LRFN2: variants seen among roughly 807,000 people sequenced by gnomAD.
LRFN2 encodes leucine-rich repeat and fibronectin type-III domain-containing protein 2.
Under a neutral mutation model 37.3 loss-of-function variants are expected in LRFN2, and 18 were observed. That is an observed-to-expected ratio of 0.48 (90% confidence interval 0.33 to 0.72). LRFN2 has a LOEUF of 0.72. LRFN2 is among the 30% of genes least tolerant of loss of function. The pLI is 0.02. For missense variants in LRFN2, 1,006 were observed against 1,060.7 expected, an observed-to-expected ratio of 0.95 and a Z score of 0.72; for synonymous variants, 556 against 466.6, an observed-to-expected ratio of 1.19 and a Z score of -2.47.
At chr6:40,488,222 C>T (rs898932850) in intron 1 of LRFN2, among the ~76,000 whole-genome samples, 1 of 152,124 alleles carries the variant, frequency 6.6e-6, no homozygotes, top group South Asian at 2.1e-4. Flanking sequence ...GGAATTTACA[C>T]CAGGGAATGG....
chr6:40,413,214 G>A (rs1322804081), intron 2 of LRFN2, among the ~76,000 whole-genome samples: 1 of 152,212 alleles, frequency 6.6e-6, no homozygotes, highest in African/African-American at 2.4e-5. Flanking sequence ...CAGCTCTGAT[G>A]AGATAAATAT....
chr6:40,471,827 A>T (rs1310345715), intron 1 of LRFN2, among the ~76,000 whole-genome samples: 1 of 152,154 alleles, frequency 6.6e-6, no homozygotes, highest in Non-Finnish European at 1.5e-5. Context: ...ACAACCAGAT[A>T]TATAGTTCCC....
At chr6:40,422,828 T>C (rs930470260) in intron 2 of LRFN2, among the ~76,000 whole-genome samples, 8 of 152,336 alleles carry the variant, frequency 5.3e-5, no homozygotes, top group Middle Eastern at 3.4e-3. Flanking sequence ...TTAATTGGAC[T>C]GGTTCTCTTG....
intron 1 of LRFN2, among the ~76,000 whole-genome samples, chr6:40,492,834 A>T (rs963675045): frequency 6.6e-6 from 1 of 152,094 alleles, no homozygotes; most frequent in Non-Finnish European, 1.5e-5. Flanking sequence ...GGTCACAGGA[A>T]CACCCCTCCC....
At position 40,515,840 on chromosome 6, in the gene LRFN2, C is replaced by T. The variant is rs540392174; in HGVS notation, c.-19+71101G>A. ...CCAGGGAGGAGGAGGTTGCAGTGAG[C>T]CGAGATCGTGCCACTGCACTCCAGC... On this transcript the variant is annotated intron_variant, in intron 1 of 2. Coordinates refer to ENST00000338305, the MANE Select transcript of LRFN2 (RefSeq NM_020737.3). Among the ~76,000 whole-genome samples, 12 of 148,498 alleles carry T rather than the reference C, an allele frequency of 8.1e-5. No homozygotes were observed. The South Asian group carries it at 2.6e-3, about 32-fold the overall frequency.
At position 40,580,491 on chromosome 6, in the gene LRFN2, C is replaced by T. The variant is rs145087532; in HGVS notation, c.-19+6450G>A. ...TTGTTCTACAGAGCAGAAATTGCTA[C>T]GGCAGCTCCGAAGTGATAGGTGAAT... On this transcript the variant is annotated intron_variant, in intron 1 of 2. Transcript: ENST00000338305. 2.6e-3 allele frequency among the ~76,000 whole-genome samples: 397 copies of T among 152,294 alleles called. 2 individuals carry two copies. The highest frequency in any genetic ancestry group is 9.0e-3 in the African/African-American group (373 of 41,554).
chr6:40,472,657 A>C (rs898505433), intron 1 of LRFN2, among the ~76,000 whole-genome samples: 5 of 152,104 alleles, frequency 3.3e-5, no homozygotes, highest in Admixed American at 6.5e-5. Flanking sequence ...CAGAAGCTGC[A>C]TCCTATGCTT....
chr6:40,570,424 C>T (rs1057320058), intron 1 of LRFN2, among the ~76,000 whole-genome samples: 2 of 152,180 alleles, frequency 1.3e-5, no homozygotes, highest in Non-Finnish European at 2.9e-5. Context: ...AACTGGGACA[C>T]AGAGAGATAA....
chr6:40,431,612 G>T, intron 2 of LRFN2, 102 bp downstream of exon 2: 1 of 1,008,246 alleles, frequency 9.9e-7, no homozygotes, highest in Non-Finnish European at 1.4e-6. Context: ...AGACACCTTT[G>T]GGGAAGAGGG....
chr6:40,541,704 G>A (rs1174900035), intron 1 of LRFN2, among the ~76,000 whole-genome samples: 1 of 152,190 alleles, frequency 6.6e-6, no homozygotes, highest in East Asian at 1.9e-4. Flanking sequence ...GACCACAGGT[G>A]TAGGTAACAG....
At chr6:40,490,667 G>A (rs1765070811) in intron 1 of LRFN2, among the ~76,000 whole-genome samples, 1 of 152,234 alleles carries the variant, frequency 6.6e-6, no homozygotes, top group Non-Finnish European at 1.5e-5. Context: ...CTTAGCAGCT[G>A]CCCCTCACAG....
chr6:40,477,968 T>C (rs2113861493), intron 1 of LRFN2, among the ~76,000 whole-genome samples: 1 of 152,336 alleles, frequency 6.6e-6, no homozygotes, highest in East Asian at 1.9e-4. Flanking sequence ...ACCGTGAATA[T>C]GGTAAACCTG....
intron 1 of LRFN2, among the ~76,000 whole-genome samples, chr6:40,449,381 T>C (rs1183128684): frequency 3.9e-5 from 6 of 152,254 alleles, no homozygotes; most frequent in African/African-American, 1.4e-4. Flanking sequence ...ATAAAGACTG[T>C]ATTTCCCAGC....
chr6:40,462,372 G>T (rs1295351897), intron 1 of LRFN2, among the ~76,000 whole-genome samples: 7 of 152,088 alleles, frequency 4.6e-5, no homozygotes, highest in Non-Finnish European at 1.0e-4. Context: ...TACCCTCTTG[G>T]CTTTGGCTGA....
At chr6:40,468,474 A>G (rs1214895551) in intron 1 of LRFN2, among the ~76,000 whole-genome samples, 1 of 152,148 alleles carries the variant, frequency 6.6e-6, no homozygotes, top group African/African-American at 2.4e-5. Flanking sequence ...GAATGGGCGG[A>G]ACTGGGCTCA....
chr6:40,422,598 T>C (rs953748636), intron 2 of LRFN2, among the ~76,000 whole-genome samples: 2 of 152,190 alleles, frequency 1.3e-5, no homozygotes, highest in East Asian at 3.9e-4. Flanking sequence ...TGAGGCTGAA[T>C]AGAGCTGGGT....
intron 1 of LRFN2, among the ~76,000 whole-genome samples, chr6:40,448,275 C>T (rs151191224): frequency 6.6e-6 from 1 of 152,258 alleles, no homozygotes; most frequent in Non-Finnish European, 1.5e-5. Flanking sequence ...TTTTGTGCTT[C>T]TCCTGCAACC....
At chr6:40,537,316 G>A (rs1297893666) in intron 1 of LRFN2, among the ~76,000 whole-genome samples, 2 of 152,192 alleles carry the variant, frequency 1.3e-5, no homozygotes, top group African/African-American at 4.8e-5. Flanking sequence ...CAGAATGAAT[G>A]TTCTTCCAGT....
Position 40,423,436 on chromosome 6 carries a change from C to T in LRFN2, c.1400+8278G>A, listed in dbSNP as rs192130907. Among the ~76,000 whole-genome samples the T allele has an allele frequency of 3.4e-4, 52 of 152,302 alleles. No individual in the cohort carries two copies. The South Asian group carries it at 8.9e-3, about 26-fold the overall frequency. ...GTATGCCGCTGTTAACTATGAAGAA[C>T]GCTCTTTCAAATACATGAGCTCTTT... is the stretch of plus-strand genomic sequence containing the variant. On this transcript the variant is annotated intron_variant, in intron 2 of 2. Transcript: ENST00000338305.
Sources: allele counts gnomAD v4.1 joint callset (sites outside exome capture counted in the v4.1 genomes callset), GRCh38; gene constraint gnomAD v4.1.1; transcripts MANE v1.5; gene names NCBI Gene and HGNC (gene_info 2026-07-23, HGNC 2026-07-21).